The following RAD52 variants were observed in gnomAD, a reference collection of about 807,000 sequenced individuals.
RAD52 encodes the protein RAD52 DNA repair protein.
A neutral mutation model predicts 55.5 loss-of-function variants in RAD52; 47 were observed. The observed-to-expected ratio is 0.85, with a 90% CI of 0.67 to 1.08. The LOEUF is 1.08. Among genes scored for constraint, RAD52 ranks in the 50% least tolerant of loss-of-function variants. The pLI, the probability that RAD52 is intolerant of heterozygous loss-of-function variation, is 0.00. For missense variants in RAD52, 468 were observed against 522.8 expected (o/e 0.90, Z 1.02); for synonymous variants, 184 against 198.9 (o/e 0.92, Z 0.63).
chr12:919,140 CTGGGAGGTGAACAGCTGTGCTCACTT>C (rs1956569726), intron 7 of RAD52, among the ~76,000 whole-genome samples: 1 of 152,176 alleles, frequency 6.6e-6, no homozygotes, highest in Non-Finnish European at 1.5e-5. Flanking sequence ...GATTCTCTAT[CTGGGAGGTGAACAGCTGTGCTCACTT>C]AGGAAATGGT....
At chr12:918,408 G>A (rs192866942) in intron 7 of RAD52, among the ~76,000 whole-genome samples, 1 of 151,880 alleles carries the variant, frequency 6.6e-6, no homozygotes, top group African/African-American at 2.4e-5. Flanking sequence ...TTTTTGTTTT[G>A]TTTTTTGAGA....
At chr12:972,470 G>A (rs967161268) in intron 1 of RAD52, among the ~76,000 whole-genome samples, 12 of 151,558 alleles carry the variant, frequency 7.9e-5, no homozygotes, top group Non-Finnish European at 1.3e-4. Context: ...GTGCCCATTA[G>A]AAGGGTCGCT....
At chr12:953,376 A>G (rs1288192615), upstream of RAD52, among the ~76,000 whole-genome samples, 1 of 152,144 alleles carries the variant, frequency 6.6e-6, no homozygotes, top group Non-Finnish European at 1.5e-5. Context: ...AGATGGAGGC[A>G]GAGATTGCAG....
At chr12:953,415 G>A (rs1368266319), upstream of RAD52, among the ~76,000 whole-genome samples, 1 of 152,140 alleles carries the variant, frequency 6.6e-6, no homozygotes, top group African/African-American at 2.4e-5. Flanking sequence ...AAGAACATGA[G>A]GCCACCGGAA....
intron 1 of RAD52, among the ~76,000 whole-genome samples, chr12:954,781 T>G (rs1019680104): frequency 6.6e-6 from 1 of 152,252 alleles, no homozygotes; most frequent in African/African-American, 2.4e-5. Flanking sequence ...TAAGCCTTGA[T>G]AGAGTACTCT....
At chr12:983,519 T>C (rs1239091134) in intron 1 of RAD52, among the ~76,000 whole-genome samples, 1 of 150,544 alleles carries the variant, frequency 6.6e-6, no homozygotes, top group Non-Finnish European at 1.5e-5. Context: ...CAGATTCAAG[T>C]GATGATTCTC....
chr12:980,569 C>T (rs1366392556), intron 1 of RAD52, among the ~76,000 whole-genome samples: 7 of 150,982 alleles, frequency 4.6e-5, no homozygotes, highest in Non-Finnish European at 1.0e-4. Flanking sequence ...GCTGGGATTA[C>T]AGGCATGAGC....
intron 1 of RAD52, among the ~76,000 whole-genome samples, chr12:936,530 T>C (rs1592400912): frequency 1.3e-5 from 2 of 151,498 alleles, no homozygotes; most frequent in South Asian, 2.1e-4. Flanking sequence ...TCTTGCTCTG[T>C]TACCCAGGCT....
At chr12:961,129 T>C (rs1392869272) in intron 1 of RAD52, among the ~76,000 whole-genome samples, 1 of 150,980 alleles carries the variant, frequency 6.6e-6, no homozygotes, top group African/African-American at 2.4e-5. Context: ...GCCTGGCCAA[T>C]ATGGTGAAAC....
Position 916,366 on chromosome 12 carries a change from C to T in RAD52, c.843G>A (p.Thr281=), listed in dbSNP as rs545511388. 121 of 1,607,504 alleles carry T rather than the reference C, an allele frequency of 7.5e-5. 2 individuals carry two copies. The South Asian group carries it at 1.2e-3, about 16-fold the overall frequency. Residue 281 remains threonine (T), a synonymous_variant, in exon 9 of 12, where the codon ACG becomes ACA. Coordinates refer to ENST00000358495, the MANE Select transcript of RAD52 (RefSeq NM_134424.4). ...RMEKQQVRVS[T]PSAEKSEAAP... ...CACCCTCACTCTTCTCAGCTGACGG[C>T]GTGGAGACTCGAACCTGCTGCTTCT...
chr12:933,143 C>T, intron 1 of RAD52, 67 bp from the exon 2 acceptor site: 1 of 1,160,162 alleles, frequency 8.6e-7, no homozygotes, highest in Non-Finnish European at 1.3e-6. Flanking sequence ...AGGCAAGAGC[C>T]TCTACTGAAA....
chr12:921,780 A>G (rs1378095701), intron 7 of RAD52, among the ~76,000 whole-genome samples: 1 of 152,194 alleles, frequency 6.6e-6, no homozygotes, highest in Non-Finnish European at 1.5e-5. Flanking sequence ...ACATCTCTCC[A>G]AAGACGATAA....
chr12:978,406 T>C (rs1045645875), intron 1 of RAD52, among the ~76,000 whole-genome samples: 2 of 152,244 alleles, frequency 1.3e-5, no homozygotes, highest in Non-Finnish European at 2.9e-5. Context: ...GAATACTATG[T>C]TCAAATGTAA....
At chr12:915,253 A>C (rs566696683) in intron 9 of RAD52, among the ~76,000 whole-genome samples, 1 of 152,362 alleles carries the variant, frequency 6.6e-6, no homozygotes, top group East Asian at 1.9e-4. Context: ...CTTCCTCCAC[A>C]ATCTACCCGG....
chr12:942,919 T>C (rs542249436), intron 1 of RAD52, among the ~76,000 whole-genome samples: 16 of 152,080 alleles, frequency 1.1e-4, no homozygotes, highest in East Asian at 5.8e-4. Context: ...AGAAAATGAA[T>C]AGGCAACCAG....
intron 1 of RAD52, among the ~76,000 whole-genome samples, chr12:939,767 T>C (rs1432884809): frequency 6.6e-6 from 1 of 152,152 alleles, no homozygotes; most frequent in African/African-American, 2.4e-5. Flanking sequence ...GGAAGAGAGA[T>C]GCAAAGAAGA....
chr12:927,417 C>T (rs566590500), intron 5 of RAD52, among the ~76,000 whole-genome samples, 154 bp from the exon 6 acceptor site: 11 of 152,240 alleles, frequency 7.2e-5, no homozygotes, highest in Admixed American at 3.3e-4. Flanking sequence ...GAATCCATCG[C>T]GAGTGCTGCT....
At chr12:967,084 A>T (rs1958780564) in intron 1 of RAD52, among the ~76,000 whole-genome samples, 1 of 152,058 alleles carries the variant, frequency 6.6e-6, no homozygotes, top group Non-Finnish European at 1.5e-5. Flanking sequence ...TATAATACAC[A>T]TAAAGAAATG....
At chr12:980,761 G>A (rs1002161046) in intron 1 of RAD52, among the ~76,000 whole-genome samples, 3 of 151,940 alleles carry the variant, frequency 2.0e-5, no homozygotes, top group Admixed American at 6.6e-5. Flanking sequence ...CCATGCCACC[G>A]CGCCTGGGTG....
Sources: gnomAD v4.1 joint callset for allele counts (sites outside exome capture counted in the v4.1 genomes callset) on GRCh38, gnomAD v4.1.1 for gene constraint, MANE v1.5 for transcripts, NCBI Gene and HGNC (gene_info 2026-07-23, HGNC 2026-07-21) for gene names.